Variants in GALNTL6 observed in about 807,000 individuals in gnomAD.
GALNTL6 encodes the protein polypeptide N-acetylgalactosaminyltransferase like 6.
A neutral mutation model predicts 73.7 loss-of-function variants in GALNTL6; 46 were observed. The observed-to-expected ratio is 0.62, with a 90% CI of 0.49 to 0.80. The LOEUF (loss-of-function observed/expected upper bound fraction) is 0.80, where lower values mean the gene tolerates loss of function less well. Among genes scored for constraint, GALNTL6 ranks in the 30% least tolerant of loss-of-function variants. The pLI, the probability that GALNTL6 is intolerant of heterozygous loss-of-function variation, is 0.00. For synonymous variants in GALNTL6, 259 were observed against 263.7 expected (o/e 0.98, Z 0.17); for missense variants, 604 against 755.0 (o/e 0.80, Z 2.34).
chr4:172,001,275 G>C (rs780492539), intron 2 of GALNTL6, among the ~76,000 whole-genome samples: 1 of 152,132 alleles, frequency 6.6e-6, no homozygotes, highest in Admixed American at 6.6e-5. Context: ...GTGTAAACTG[G>C]AGGAAAGCCC....
intron 5 of GALNTL6, among the ~76,000 whole-genome samples, chr4:172,705,405 C>T (rs575590292): frequency 1.1e-4 from 17 of 149,840 alleles, no homozygotes; most frequent in South Asian, 4.2e-4. Context: ...TTATTTTAAA[C>T]GGATAACAAC....
intron 5 of GALNTL6, among the ~76,000 whole-genome samples, chr4:172,745,987 T>C (rs937421752): frequency 6.6e-6 from 1 of 152,116 alleles, no homozygotes; most frequent in African/African-American, 2.4e-5. Context: ...TTACCAATCA[T>C]GTTACAAAAC....
intron 2 of GALNTL6, among the ~76,000 whole-genome samples, chr4:171,940,234 C>G (rs1212036032): frequency 1.3e-5 from 2 of 151,630 alleles, no homozygotes; most frequent in Non-Finnish European, 2.9e-5. Context: ...TCAGAAAATA[C>G]AAAAGAAAAG....
intron 2 of GALNTL6, among the ~76,000 whole-genome samples, chr4:171,948,460 C>A (rs1738769599): frequency 6.6e-6 from 1 of 152,062 alleles, no homozygotes; most frequent in Admixed American, 6.6e-5. Context: ...ACTAATGAAA[C>A]TTCTGTGTAA....
chr4:171,830,602 G>A (rs192833372), intron 2 of GALNTL6, among the ~76,000 whole-genome samples: 5 of 152,174 alleles, frequency 3.3e-5, no homozygotes. Flanking sequence ...TCATACTCAT[G>A]AATTAATGTT....
chr4:172,467,862 C>A (rs2111456724), intron 5 of GALNTL6, among the ~76,000 whole-genome samples: 1 of 128,782 alleles, frequency 7.8e-6, no homozygotes, highest in East Asian at 2.1e-4. Flanking sequence ...TTCTTTCTTT[C>A]TTTCCTTCTT....
intron 7 of GALNTL6, among the ~76,000 whole-genome samples, chr4:172,822,703 C>T (rs1356654171): frequency 6.6e-6 from 1 of 152,136 alleles, no homozygotes; most frequent in Non-Finnish European, 1.5e-5. Flanking sequence ...AAAACAGCAC[C>T]ACCTAAGACA....
chr4:172,658,817 G>A (rs1420259504), intron 5 of GALNTL6, among the ~76,000 whole-genome samples: 3 of 152,164 alleles, frequency 2.0e-5, no homozygotes, highest in Non-Finnish European at 2.9e-5. Flanking sequence ...GCTATAAAAA[G>A]CATCAGAGTA....
intron 7 of GALNTL6, among the ~76,000 whole-genome samples, chr4:172,847,789 G>A (rs568542495): frequency 9.2e-5 from 14 of 152,210 alleles, no homozygotes; most frequent in African/African-American, 3.4e-4. Context: ...GAGGGTATGA[G>A]GACATCTATG....
chr4:172,981,648 T>G (rs1751066782), intron 10 of GALNTL6, among the ~76,000 whole-genome samples: 1 of 152,200 alleles, frequency 6.6e-6, no homozygotes, highest in South Asian at 2.1e-4. Context: ...TCGACTTTGT[T>G]CTTCCTTTTC....
chr4:172,527,718 C>T (rs1735011421), intron 5 of GALNTL6, among the ~76,000 whole-genome samples: 1 of 152,190 alleles, frequency 6.6e-6, no homozygotes, highest in Admixed American at 6.5e-5. Flanking sequence ...TAATAAGATA[C>T]TGTGGCAAAC....
chr4:172,593,720 G>A (rs201301938), intron 5 of GALNTL6, among the ~76,000 whole-genome samples: 6 of 150,722 alleles, frequency 4.0e-5, no homozygotes, highest in Non-Finnish European at 5.9e-5. Context: ...GTGGGTTTTT[G>A]TTTGTTTTTT....
intron 5 of GALNTL6, among the ~76,000 whole-genome samples, chr4:172,394,793 A>G (rs994673193): frequency 1.3e-5 from 2 of 152,028 alleles, no homozygotes; most frequent in African/African-American, 4.8e-5. Flanking sequence ...TAGCATGCTG[A>G]CACCCCTCCT....
chr4:172,786,999 C>G (rs1297278015), intron 5 of GALNTL6, among the ~76,000 whole-genome samples: 1 of 152,090 alleles, frequency 6.6e-6, no homozygotes, highest in East Asian at 1.9e-4. Flanking sequence ...TAATCTCCAC[C>G]TCTCCCTCCA....
chr4:172,744,840 CGTGT>C (rs3084334), intron 5 of GALNTL6, among the ~76,000 whole-genome samples: 23,608 of 149,250 alleles, frequency 0.16, 3,377 homozygotes, highest in African/African-American at 0.38. Flanking sequence ...AGTGCGCGTG[CGTGT>C]GTGTGTGTGT....
At chr4:172,484,090 G>A (rs1490635798) in intron 5 of GALNTL6, among the ~76,000 whole-genome samples, 3 of 152,082 alleles carry the variant, frequency 2.0e-5, no homozygotes, top group Non-Finnish European at 4.4e-5. Context: ...GACAGCTGTA[G>A]AAGAAGGAGA....
intron 10 of GALNTL6, among the ~76,000 whole-genome samples, chr4:173,000,716 C>T (rs1330220717): frequency 6.6e-6 from 1 of 152,120 alleles, no homozygotes; most frequent in East Asian, 1.9e-4. Flanking sequence ...GACATATAGA[C>T]CAAGGGAATC....
chr4:172,945,089 T>G (rs1749099910), intron 9 of GALNTL6, among the ~76,000 whole-genome samples: 1 of 150,550 alleles, frequency 6.6e-6, no homozygotes, highest in African/African-American at 2.4e-5. Context: ...AAAAGAATAC[T>G]ATAAGAATGA....
chr4:173,013,967 A>G (rs776920616), intron 11 of GALNTL6, among the ~76,000 whole-genome samples: 2 of 152,180 alleles, frequency 1.3e-5, no homozygotes, highest in Non-Finnish European at 2.9e-5. Flanking sequence ...CATGACAATT[A>G]TGGATTTTCT....
Sources: gnomAD v4.1 joint callset for allele counts (sites outside exome capture counted in the v4.1 genomes callset) on GRCh38, gnomAD v4.1.1 for gene constraint, MANE v1.5 for transcripts, NCBI Gene and HGNC (gene_info 2026-07-23, HGNC 2026-07-21) for gene names.